Variants in GULP1 observed in about 807,000 individuals in gnomAD.
GULP1 encodes the protein PTB domain-containing engulfment adapter protein 1.
Under a neutral mutation model 40.9 loss-of-function variants are expected in GULP1, and 19 were observed. The ratio of observed to expected loss-of-function variants is 0.46; its 90% CI spans 0.32 to 0.68. The LOEUF (loss-of-function observed/expected upper bound fraction) is 0.68. GULP1 is among the 30% of genes least tolerant of loss of function. GULP1 has a pLI of 0.03. For missense variants in GULP1, 312 were observed against 362.2 expected, an observed-to-expected ratio of 0.86 and a Z score of 1.12; for synonymous variants, 119 against 117.6, an observed-to-expected ratio of 1.01 and a Z score of -0.08.
chr2:188,507,782 AG>A (rs1472075870), intron 4 of GULP1, among the ~76,000 whole-genome samples: 2 of 152,008 alleles, frequency 1.3e-5, no homozygotes, highest in African/African-American at 4.8e-5. Context: ...TGTAACAATT[AG>A]ATGCACAGTT....
intron 2 of GULP1, among the ~76,000 whole-genome samples, chr2:188,468,795 G>A (rs896538967): frequency 6.6e-6 from 1 of 152,132 alleles, no homozygotes; most frequent in Non-Finnish European, 1.5e-5. Flanking sequence ...ACTTAGGTAC[G>A]AGAGACTTTA....
chr2:188,500,686 T>C (rs1192509801), intron 4 of GULP1, among the ~76,000 whole-genome samples: 1 of 151,966 alleles, frequency 6.6e-6, no homozygotes, highest in African/African-American at 2.4e-5. Context: ...GACATCACCA[T>C]CAAGATTTTT....
intron 11 of GULP1, chr2:188,588,928 A>G (rs1702961172): frequency 1.3e-5 from 2 of 152,084 alleles, no homozygotes; most frequent in Admixed American, 6.6e-5. Flanking sequence ...TAGTACATGA[A>G]TTCATTATTG....
intron 1 of GULP1, among the ~76,000 whole-genome samples, chr2:188,340,729 CG>C (rs1574541123): frequency 6.6e-6 from 1 of 151,986 alleles, no homozygotes; most frequent in East Asian, 1.9e-4. Context: ...TTTCGGCATC[CG>C]GGAAAAATCA....
chr2:188,419,329 A>T (rs994678502), intron 2 of GULP1, among the ~76,000 whole-genome samples: 1 of 152,060 alleles, frequency 6.6e-6, no homozygotes, highest in Admixed American at 6.6e-5. Context: ...CAGCTGTGTA[A>T]GAGTCCCAAT....
intron 2 of GULP1, among the ~76,000 whole-genome samples, chr2:188,437,546 G>A (rs1208472194): frequency 1.3e-5 from 2 of 151,928 alleles, no homozygotes; most frequent in African/African-American, 4.8e-5. Flanking sequence ...TCAAAGAAAA[G>A]ACATTCAACC....
intron 2 of GULP1, among the ~76,000 whole-genome samples, chr2:188,473,137 A>G (rs150658868): frequency 1.8e-4 from 27 of 150,822 alleles, no homozygotes; most frequent in African/African-American, 6.7e-4. Flanking sequence ...TTTTCTTTCA[A>G]ACAAATGGGG....
At chr2:188,514,040 A>AGTGTGTGTGTGTGTGTGT (rs1164481151) in intron 4 of GULP1, among the ~76,000 whole-genome samples, 2,003 of 123,002 alleles carry the variant, frequency 0.016, 66 homozygotes, top group East Asian at 0.023. Context: ...TCCCCTTCTG[A>AGTGTGTGTGTGTGTGTGT]GTGTGTGTGT....
chr2:188,372,652 A>G (rs1225306636), intron 1 of GULP1, among the ~76,000 whole-genome samples: 1 of 152,032 alleles, frequency 6.6e-6, no homozygotes, highest in African/African-American at 2.4e-5. Context: ...ATTTTGACCT[A>G]ACATCCATGT....
At chr2:188,504,834 CT>C (rs2063754436) in intron 4 of GULP1, among the ~76,000 whole-genome samples, 1 of 151,650 alleles carries the variant, frequency 6.6e-6, no homozygotes, top group African/African-American at 2.4e-5. Context: ...TGTTATTTTA[CT>C]TTATGCTGCT....
chr2:188,556,824 A>G (rs1374754428), intron 7 of GULP1, among the ~76,000 whole-genome samples: 1 of 152,094 alleles, frequency 6.6e-6, no homozygotes, highest in Non-Finnish European at 1.5e-5. Context: ...TCACGAGGTC[A>G]GGAGATCGAG....
At chr2:188,422,829 A>G (rs1342792512) in intron 2 of GULP1, among the ~76,000 whole-genome samples, 1 of 152,036 alleles carries the variant, frequency 6.6e-6, no homozygotes, top group Non-Finnish European at 1.5e-5. Flanking sequence ...CTTTTTGCTT[A>G]CTTTGTGACC....
intron 1 of GULP1, among the ~76,000 whole-genome samples, chr2:188,341,578 G>C (rs959795433): frequency 2.0e-4 from 30 of 151,928 alleles, no homozygotes; most frequent in Non-Finnish European, 3.7e-4. Flanking sequence ...GACTAGACTG[G>C]CTTCTCCGAG....
At chr2:188,415,429 G>A (rs1420132522) in intron 2 of GULP1, among the ~76,000 whole-genome samples, 2 of 151,924 alleles carry the variant, frequency 1.3e-5, no homozygotes, top group Non-Finnish European at 2.9e-5. Flanking sequence ...AAGTTTAATG[G>A]TAATTCCTGG....
At chr2:188,293,500 G>T (rs2034244491) in intron 1 of GULP1, among the ~76,000 whole-genome samples, 1 of 152,196 alleles carries the variant, frequency 6.6e-6, no homozygotes, top group Non-Finnish European at 1.5e-5. Flanking sequence ...CTAAAGTAAG[G>T]GAGATTATTA....
rs1702822021 is a variant in GULP1, at chr2:188,588,260, T to C, written c.843+311T>C. On this transcript the variant is annotated intron_variant, in intron 11 of 11. Coordinates refer to ENST00000409830, the MANE Select transcript of GULP1 (RefSeq NM_016315.4). ...AATCTAGAGTTAAACAGTCACTGCA[T>C]TAGATTTATAAGATTTGATCTCAGT... 6 of 300,488 alleles carry C rather than the reference T, an allele frequency of 2.0e-5. 1 individual carries two copies. In the East Asian group the frequency reaches 4.8e-4, roughly 24 times the overall value. 18.6% of individuals were successfully genotyped at this position (300,488 alleles called of 1,614,324 possible).
intron 7 of GULP1, among the ~76,000 whole-genome samples, chr2:188,560,324 C>A (rs1392482001): frequency 6.6e-6 from 1 of 152,204 alleles, no homozygotes; most frequent in Non-Finnish European, 1.5e-5. Context: ...TTTGCTAAGG[C>A]ATAATAAAAG....
chr2:188,411,947 C>A (rs552614809), intron 2 of GULP1, among the ~76,000 whole-genome samples: 1 of 152,284 alleles, frequency 6.6e-6, no homozygotes, highest in African/African-American at 2.4e-5. Flanking sequence ...GTAAACCAGG[C>A]CCTAGTCTTC....
intron 7 of GULP1, among the ~76,000 whole-genome samples, chr2:188,545,059 G>A (rs1691541479): frequency 6.6e-6 from 1 of 151,916 alleles, no homozygotes; most frequent in African/African-American, 2.4e-5. Context: ...AACCATGAAG[G>A]CAAGAAGGAA....
Sources: allele counts gnomAD v4.1 joint callset (sites outside exome capture counted in the v4.1 genomes callset), GRCh38; gene constraint gnomAD v4.1.1; transcripts MANE v1.5; gene names NCBI Gene and HGNC (gene_info 2026-07-23, HGNC 2026-07-21).